Variants in PTPRD observed in about 807,000 individuals in gnomAD.
PTPRD encodes protein tyrosine phosphatase receptor type D.
In PTPRD, 34 loss-of-function variants were observed where a neutral mutation model predicts 214.5. The ratio of observed to expected loss-of-function variants is 0.16; its 90% CI spans 0.12 to 0.21. The LOEUF is 0.21. PTPRD is among the 10% of genes least tolerant of loss of function. PTPRD has a pLI of 1.00. For synonymous variants in PTPRD, 1,128 were observed against 845.7 expected (o/e 1.33, Z -5.79); for missense variants, 2,545 against 2,398.7 (o/e 1.06, Z -1.27).
chr9:9,699,642 C>A (rs985011682), intron 7 of PTPRD, among the ~76,000 whole-genome samples: 3 of 152,138 alleles, frequency 2.0e-5, no homozygotes, highest in South Asian at 2.1e-4. Context: ...TTTCTTTTGA[C>A]CAACTAAGTG....
At chr9:8,330,627 A>C (rs962951150) in intron 44 of PTPRD, among the ~76,000 whole-genome samples, 1 of 152,168 alleles carries the variant, frequency 6.6e-6, no homozygotes, top group African/African-American at 2.4e-5. Context: ...CTGAGAAACA[A>C]AGGATGCTAG....
intron 3 of PTPRD, among the ~76,000 whole-genome samples, chr9:10,257,637 A>G (rs1329451010): frequency 6.6e-6 from 1 of 152,190 alleles, no homozygotes; most frequent in Non-Finnish European, 1.5e-5. Flanking sequence ...CCTCTCTGTT[A>G]GAATAGCTGT....
rs200623514 is a variant in PTPRD at position 9,361,911 on chromosome 9, A to AC, written c.-203+35537dup. ...CATACAGGAATAAACAAGGATAGAA[A>AC]CCCCCTAGCCTCCTGGGGTTTTTCT... On this transcript the variant is annotated intron_variant, in intron 9 of 45. Transcript: ENST00000381196. 8.4e-3 allele frequency among the ~76,000 whole-genome samples: 1,261 copies of AC among 151,012 alleles called. 29 individuals are homozygous for AC. Among genetic ancestry groups the AC allele is most frequent in the African/African-American group, 0.028 (1,152 of 41,374 alleles).
chr9:10,043,834 A>G (rs1300691945), intron 3 of PTPRD, among the ~76,000 whole-genome samples: 2 of 151,908 alleles, frequency 1.3e-5, no homozygotes, highest in Non-Finnish European at 1.5e-5. Context: ...TATCTTTAGT[A>G]AGATAAATAT....
At chr9:10,211,263 G>C (rs1594335032) in intron 3 of PTPRD, among the ~76,000 whole-genome samples, 3 of 152,072 alleles carry the variant, frequency 2.0e-5, no homozygotes, top group Non-Finnish European at 4.4e-5. Context: ...AGAGCACTTT[G>C]AAAGGAAAAA....
intron 11 of PTPRD, among the ~76,000 whole-genome samples, chr9:8,829,664 T>A (rs2097249797): frequency 6.6e-6 from 1 of 152,084 alleles, no homozygotes; most frequent in Admixed American, 6.6e-5. Context: ...TCCTGGGAGC[T>A]CGGTTACTAG....
intron 11 of PTPRD, among the ~76,000 whole-genome samples, chr9:9,007,709 T>A: frequency 6.9e-6 from 1 of 145,106 alleles, no homozygotes; most frequent in East Asian, 2.0e-4. Context: ...CTCCCGTGTT[T>A]GACCTCCTGT....
At chr9:9,269,560 T>A (rs1441314129) in intron 9 of PTPRD, among the ~76,000 whole-genome samples, 1 of 151,482 alleles carries the variant, frequency 6.6e-6, no homozygotes, top group East Asian at 2.0e-4. Context: ...ACTTCCATGT[T>A]GATCACAGCA....
At chr9:9,183,440 C>T (rs566074376) in intron 9 of PTPRD, 77 bp from the exon 10 acceptor site, 192 of 152,066 alleles carry the variant, frequency 1.3e-3, no homozygotes, top group African/African-American at 4.4e-3. Context: ...TAAATGCTGT[C>T]ACCCCATTTT....
chr9:8,500,974 T>C lies in PTPRD; in HGVS notation c.1908A>G (p.Glu636=), dbSNP rs776681785. 6 of 1,614,070 alleles carry C rather than the reference T, an allele frequency of 3.7e-6. No individual in the cohort carries two copies. Among genetic ancestry groups the C allele is most frequent in the Non-Finnish European group, 3.4e-6 (4 of 1,180,038 alleles). Residue 636 remains glutamate (E), a synonymous_variant, in exon 24 of 46, where the codon GAA becomes GAG. Coordinates refer to ENST00000381196, the MANE Select transcript of PTPRD (RefSeq NM_002839.4). ...ATTCAGTGATAATGCCATTCTGTTTTTCCACTGGTGGAGGTTGCCAACTTA... is the reference window on the plus strand; with the variant it reads ...ATTCAGTGATAATGCCATTCTGTTTCTCCACTGGTGGAGGTTGCCAACTTA... ...ILVSWQPPPV[E]KQNGIITEYS...
At chr9:10,520,189 T>C (rs940544128) in intron 2 of PTPRD, among the ~76,000 whole-genome samples, 1 of 151,830 alleles carries the variant, frequency 6.6e-6, no homozygotes, top group Non-Finnish European at 1.5e-5. Flanking sequence ...AAAGGAAGAG[T>C]TATTGAAGCA....
At chr9:9,588,239 G>A (rs1356115850) in intron 7 of PTPRD, among the ~76,000 whole-genome samples, 2 of 151,822 alleles carry the variant, frequency 1.3e-5, no homozygotes, top group African/African-American at 2.4e-5. Context: ...AGCAGAATTG[G>A]AAGACAGAAG....
intron 2 of PTPRD, among the ~76,000 whole-genome samples, chr9:10,424,208 A>G (rs376782676): frequency 6.6e-6 from 1 of 151,924 alleles, no homozygotes; most frequent in African/African-American, 2.4e-5. Context: ...TGTGATACTT[A>G]TTATGTTATG....
intron 12 of PTPRD, among the ~76,000 whole-genome samples, chr9:8,707,433 T>C (rs1412423830): frequency 6.6e-6 from 1 of 152,352 alleles, no homozygotes; most frequent in East Asian, 1.9e-4. Flanking sequence ...AGAGTAACCA[T>C]GTAAAAATAA....
chr9:10,461,653 C>T (rs1351820206), intron 2 of PTPRD, among the ~76,000 whole-genome samples: 3 of 147,774 alleles, frequency 2.0e-5, no homozygotes, highest in African/African-American at 5.0e-5. Context: ...GATGGAGTCT[C>T]GCTCTGTCTC....
intron 4 of PTPRD, among the ~76,000 whole-genome samples, chr9:9,983,939 G>C (rs1324844361): frequency 6.6e-6 from 1 of 152,016 alleles, no homozygotes; most frequent in African/African-American, 2.4e-5. Flanking sequence ...TGCCCTCTTA[G>C]AGACATAACT....
intron 3 of PTPRD, among the ~76,000 whole-genome samples, chr9:10,100,750 C>G (rs1361860735): frequency 1.3e-5 from 2 of 151,510 alleles, no homozygotes; most frequent in Non-Finnish European, 3.0e-5. Flanking sequence ...TGTTCTGTTC[C>G]TCACTGACAT....
intron 2 of PTPRD, among the ~76,000 whole-genome samples, chr9:10,577,456 T>C (rs1383890933): frequency 6.6e-6 from 1 of 152,214 alleles, no homozygotes; most frequent in Non-Finnish European, 1.5e-5. Context: ...AACCTCCAAC[T>C]GATATTGACT....
chr9:9,497,573 T>G (rs868400658), intron 8 of PTPRD, among the ~76,000 whole-genome samples: 1 of 152,132 alleles, frequency 6.6e-6, no homozygotes, highest in South Asian at 2.1e-4. Flanking sequence ...GAACAAATAT[T>G]TTTATTTGGA....
Sources: allele counts gnomAD v4.1 joint callset (sites outside exome capture counted in the v4.1 genomes callset), GRCh38; gene constraint gnomAD v4.1.1; transcripts MANE v1.5; gene names NCBI Gene and HGNC (gene_info 2026-07-23, HGNC 2026-07-21).